IL12RB1: variants seen among roughly 807,000 people sequenced by gnomAD.
IL12RB1 encodes interleukin 12 receptor subunit beta 1, also known as interleukin-12 receptor subunit beta-1.
IL12RB1 carries 64 observed loss-of-function variants against 94.4 expected under a neutral mutation model. That is an observed-to-expected ratio of 0.68 (90% CI 0.55 to 0.83). The LOEUF (loss-of-function observed/expected upper bound fraction) is 0.83. IL12RB1 is among the 40% of genes least tolerant of loss of function. The pLI is 0.00. For synonymous variants in IL12RB1, 362 were observed against 355.5 expected (o/e 1.02, Z -0.21); for missense variants, 814 against 855.6 (o/e 0.95, Z 0.61).
intron 1 of IL12RB1, among the ~76,000 whole-genome samples, chr19:18,085,042 C>T (rs952680655): frequency 6.6e-6 from 1 of 152,152 alleles, no homozygotes; most frequent in Non-Finnish European, 1.5e-5. Context: ...CAGGAGGCAG[C>T]GACCTCCCTC....
upstream of IL12RB1, among the ~76,000 whole-genome samples, chr19:18,088,565 T>TAAA (rs778266743): frequency 1.7e-3 from 222 of 129,628 alleles, 1 homozygote; most frequent in African/African-American, 5.9e-3. Flanking sequence ...TCCTGTCTCT[T>TAAA]AAAAAAAAAA....
chr19:18,061,233 G>T (rs1599438092), intron 14 of IL12RB1, 36 bp from the exon 15 acceptor site: 27 of 823,458 alleles, frequency 3.3e-5, no homozygotes, highest in Non-Finnish European at 4.6e-5. Flanking sequence ...AGGAGCTGAG[G>T]TTTTTTTTTT....
intron 3 of IL12RB1, among the ~76,000 whole-genome samples, chr19:18,081,687 G>T (rs981435039): frequency 6.6e-6 from 1 of 151,970 alleles, no homozygotes; most frequent in African/African-American, 2.4e-5. Context: ...AGGTGTGGTG[G>T]CGTGTGCCTA....
At chr19:18,078,818 A>G (rs1238062476) in intron 4 of IL12RB1, among the ~76,000 whole-genome samples, 1 of 152,104 alleles carries the variant, frequency 6.6e-6, no homozygotes, top group Non-Finnish European at 1.5e-5. Flanking sequence ...ACCCGGCCTG[A>G]TTCTTTTTTT....
intron 3 of IL12RB1, 133 bp from the exon 4 acceptor site, chr19:18,081,134 C>A: frequency 1.2e-6 from 1 of 824,732 alleles, no homozygotes; most frequent in Non-Finnish European, 1.9e-6. Flanking sequence ...TTCATTCTGT[C>A]ACCCAGGCTG....
At chr19:18,066,480 G>T in intron 12 of IL12RB1, 62 bp downstream of exon 12, 3 of 1,212,386 alleles carry the variant, frequency 2.5e-6, no homozygotes, top group Non-Finnish European at 2.4e-6. Context: ...CACACAGCAA[G>T]AGAGATCACA....
Position 18,062,237 on chromosome 19 carries a change from C to G in IL12RB1, c.1659G>C (p.Leu553=). 1 of 1,613,216 alleles carries G rather than the reference C, an allele frequency of 6.2e-7. No homozygotes were observed. The highest frequency in any genetic ancestry group is 8.5e-7 in the Non-Finnish European group (1 of 1,179,520). Residue 553 remains leucine (L), a synonymous_variant, in exon 14 of 17, where the codon CTG becomes CTC. Coordinates refer to ENST00000593993, the MANE Select transcript of IL12RB1 (RefSeq NM_005535.3). The stretch of plus-strand genomic sequence containing the variant: ...CGAGAAGGATGCTCAGGAAGCTCCC[C>G]AGGGAGGCGAAGAAGATGAGCCAAT... ...VSDWLIFFAS[L]GSFLSILLVG...
chr19:18,062,353 T>C, intron 13 of IL12RB1, 76 bp from the exon 14 acceptor site: 1 of 884,194 alleles, frequency 1.1e-6, no homozygotes, highest in South Asian at 1.6e-5. Flanking sequence ...GAGGGCCTGG[T>C]TTCTCCATGA....
At chr19:18,077,005 C>T in intron 5 of IL12RB1, among the ~76,000 whole-genome samples, 1 of 151,938 alleles carries the variant, frequency 6.6e-6, no homozygotes, top group Non-Finnish European at 1.5e-5. Context: ...TTCTCTGCAC[C>T]AGTTTATATA....
At chr19:18,063,001 C>T (rs1014791196) in intron 13 of IL12RB1, among the ~76,000 whole-genome samples, 25 of 39,912 alleles carry the variant, frequency 6.3e-4, no homozygotes, top group African/African-American at 2.2e-3. Context: ...TGTTCTCTTC[C>T]TCCTCCTCCT....
chr19:18,092,178 A>C (rs2036659421), intron 1 of IL12RB1, among the ~76,000 whole-genome samples: 1 of 139,982 alleles, frequency 7.1e-6, no homozygotes. Flanking sequence ...CCCCTCGACC[A>C]TCCAGCTTTT....
At chr19:18,072,883 CT>C (rs1470970277) in intron 8 of IL12RB1, among the ~76,000 whole-genome samples, 1 of 142,244 alleles carries the variant, frequency 7.0e-6, no homozygotes, top group Non-Finnish European at 1.5e-5. Context: ...GGAGGCGGAG[CT>C]TGTAGTGAGC....
At chr19:18,074,634 G>A (rs548592511) in intron 7 of IL12RB1, among the ~76,000 whole-genome samples, 1 of 152,250 alleles carries the variant, frequency 6.6e-6, no homozygotes, top group East Asian at 1.9e-4. Flanking sequence ...GTAAATCCCA[G>A]CTACTCTGGA....
chr19:18,083,099 A>G, intron 2 of IL12RB1: 1 of 458,348 alleles, frequency 2.2e-6, no homozygotes, highest in East Asian at 4.4e-5. Flanking sequence ...AAATAAATGA[A>G]ATAAATGTTC....
chr19:18,069,923 T>A lies in IL12RB1; in HGVS notation c.1022-210A>T, dbSNP rs148184791. ...AGCAGATGGCGTTTGTTTTTTTTTG[T>A]TTTTTCTTTGGAGACGGATTCTTGC... On this transcript the variant is annotated intron_variant, in intron 9 of 16. Transcript: ENST00000593993. 1.3e-3 allele frequency among the ~76,000 whole-genome samples: 192 copies of A among 151,892 alleles called. 1 individual carries two copies. The highest frequency in any genetic ancestry group is 4.4e-3 in the African/African-American group (183 of 41,440).
chr19:18,079,591 A>T (rs2146365005), intron 4 of IL12RB1, among the ~76,000 whole-genome samples: 1 of 151,906 alleles, frequency 6.6e-6, no homozygotes. Flanking sequence ...GTGCCTAGAT[A>T]TTCGACTTTT....
rs931675629 is a variant in IL12RB1, at chr19:18,069,981, T to G, written c.1022-268A>C. On this transcript the variant is annotated intron_variant, in intron 9 of 16. Coordinates refer to ENST00000593993, the MANE Select transcript of IL12RB1 (RefSeq NM_005535.3). ...CCCAGGCTGGAGTGCAGTGGCATGA[T>G]CTCGGCTCCCTGCAACCTCAGCCTC... is the stretch of plus-strand genomic sequence containing the variant. Among the ~76,000 whole-genome samples the G allele has an allele frequency of 7.5e-4, 114 of 152,102 alleles. 1 individual carries two copies. Among genetic ancestry groups the G allele is most frequent in the Non-Finnish European group, 5.9e-5 (4 of 68,014 alleles).
upstream of IL12RB1, among the ~76,000 whole-genome samples, chr19:18,091,179 C>T (rs2036608441): frequency 6.6e-6 from 1 of 152,186 alleles, no homozygotes; most frequent in South Asian, 2.1e-4. Flanking sequence ...CACAACCTGA[C>T]ACTCCCTCTG....
intron 12 of IL12RB1, 100 bp from the exon 13 acceptor site, chr19:18,064,110 A>C: frequency 6.6e-6 from 4 of 603,102 alleles, no homozygotes; most frequent in South Asian, 2.0e-5. Context: ...ATTCATAGGC[A>C]TTTTGCTAAA....
Sources: allele counts gnomAD v4.1 joint callset (sites outside exome capture counted in the v4.1 genomes callset), GRCh38; gene constraint gnomAD v4.1.1; transcripts MANE v1.5; gene names NCBI Gene and HGNC (gene_info 2026-07-23, HGNC 2026-07-21).